ANOS1: variants seen among roughly 807,000 people sequenced by gnomAD.
ANOS1 encodes anosmin-1.
ANOS1 carries 6 observed loss-of-function variants against 59.0 expected under a neutral mutation model. That is an observed-to-expected ratio of 0.10 (90% CI 0.06 to 0.20). ANOS1 has a LOEUF of 0.20. Ranked by LOEUF, ANOS1 falls within the 10% of genes least tolerant of loss-of-function variation. ANOS1 has a pLI of 1.00. For missense variants in ANOS1, 433 were observed against 542.3 expected, an observed-to-expected ratio of 0.80 and a Z score of 2.00; for synonymous variants, 217 against 223.4, an observed-to-expected ratio of 0.97 and a Z score of 0.25.
chrX:8,540,958 A>T (rs1929674106), intron 9 of ANOS1, among the ~76,000 whole-genome samples: 1 of 100,868 alleles, frequency 9.9e-6, no homozygotes, highest in Non-Finnish European at 2.0e-5. Flanking sequence ...GAGTGTGTTC[A>T]TGTTCTTCCA....
At chrX:8,608,163 A>T (rs1160724823) in intron 3 of ANOS1, among the ~76,000 whole-genome samples, 6 of 111,959 alleles carry the variant, frequency 5.4e-5, no homozygotes, top group Non-Finnish European at 1.1e-4. Context: ...AGGAAGATAA[A>T]ATATTACCCT....
At chrX:8,606,457 A>G (rs775894958) in intron 3 of ANOS1, among the ~76,000 whole-genome samples, 2 of 112,667 alleles carry the variant, frequency 1.8e-5, no homozygotes, top group African/African-American at 3.2e-5. Flanking sequence ...TGAACTTAAT[A>G]TTAGAACATC....
chrX:8,687,593 AAC>A (rs58384646), intron 2 of ANOS1, among the ~76,000 whole-genome samples: 4,090 of 95,415 alleles, frequency 0.043, 174 homozygotes, highest in African/African-American at 0.13. Flanking sequence ...TAATCCAGTA[AAC>A]ACACACACAC....
intron 1 of ANOS1, among the ~76,000 whole-genome samples, chrX:8,723,385 T>A (rs1169369354): frequency 9.0e-6 from 1 of 111,452 alleles, no homozygotes; most frequent in Non-Finnish European, 1.9e-5. Context: ...AGCAATCCCA[T>A]CAAAAAGTAG....
chrX:8,716,658 C>T (rs1194286106), intron 1 of ANOS1, among the ~76,000 whole-genome samples: 3 of 111,889 alleles, frequency 2.7e-5, no homozygotes, highest in Non-Finnish European at 5.6e-5. Context: ...TGACACCTGA[C>T]ACCTCATTTG....
At chrX:8,567,965 G>A (rs1930148217) in intron 8 of ANOS1, among the ~76,000 whole-genome samples, 1 of 112,422 alleles carries the variant, frequency 8.9e-6, no homozygotes, top group Non-Finnish European at 1.9e-5. Flanking sequence ...CAGTCAATCT[G>A]TTAAAATGAG....
chrX:8,653,220 G>C (rs1251980651), intron 2 of ANOS1, among the ~76,000 whole-genome samples: 1 of 111,149 alleles, frequency 9.0e-6, no homozygotes, highest in Non-Finnish European at 1.9e-5. Context: ...CTCACACTAA[G>C]ATCTGTTTCT....
rs1002063279 is a variant in ANOS1 at position 8,610,623 on chromosome X, A to G, written c.318+12985T>C. Among the ~76,000 whole-genome samples the G allele has an allele frequency of 3.6e-5, 4 of 111,391 alleles. No homozygotes were observed. In the Admixed American group the frequency reaches 3.8e-4, roughly 11 times the overall value. On this transcript the variant is annotated intron_variant, in intron 3 of 13. Transcript: ENST00000262648. ...ACTGCATAAGTCTGGGGAAAGAATA[A>G]TCAGACAGCAATAAAGGAAACCATT... is the stretch of plus-strand genomic sequence containing the variant.
At chrX:8,700,914 C>T (rs1932751594) in intron 1 of ANOS1, among the ~76,000 whole-genome samples, 2 of 111,581 alleles carry the variant, frequency 1.8e-5, no homozygotes, top group Non-Finnish European at 3.8e-5. Context: ...GAGGCTAAGG[C>T]AGGAGAATTG....
intron 8 of ANOS1, among the ~76,000 whole-genome samples, chrX:8,562,007 C>T (rs1174524873): frequency 9.0e-6 from 1 of 110,679 alleles, no homozygotes; most frequent in Non-Finnish European, 1.9e-5. Context: ...CTGGCATGAT[C>T]TCGGCTCACT....
intron 3 of ANOS1, among the ~76,000 whole-genome samples, chrX:8,598,675 T>A (rs1601971987): frequency 1.8e-5 from 2 of 112,087 alleles, no homozygotes; most frequent in Non-Finnish European, 3.8e-5. Flanking sequence ...CCAAGCCTCC[T>A]TTTATCCTTA....
chrX:8,612,637 C>G (rs1193423569), intron 3 of ANOS1, among the ~76,000 whole-genome samples: 4 of 105,690 alleles, frequency 3.8e-5, no homozygotes, highest in Non-Finnish European at 7.7e-5. Flanking sequence ...ACATAACTTA[C>G]CAATGTCAGT....
In ANOS1 at chrX:8,596,337, C is replaced by T. The variant is rs1216441459; in HGVS notation, c.541+697G>A. 6.3e-5 allele frequency among the ~76,000 whole-genome samples: 7 copies of T among 111,013 alleles called. No individual in the cohort carries two copies. The East Asian group carries it at 1.1e-3, about 18-fold the overall frequency. ...AAAATTAACAAAATGTTATATGTCACGGTGTATTTTGATGGTATCCCAAAC... is the reference window on the plus strand; with the variant it reads ...AAAATTAACAAAATGTTATATGTCATGGTGTATTTTGATGGTATCCCAAAC... On this transcript the variant is annotated intron_variant, in intron 4 of 13. Coordinates refer to ENST00000262648, the MANE Select transcript of ANOS1 (RefSeq NM_000216.4).
At chrX:8,716,619 C>G (rs1156795739) in intron 1 of ANOS1, among the ~76,000 whole-genome samples, 1 of 112,025 alleles carries the variant, frequency 8.9e-6, no homozygotes, top group Non-Finnish European at 1.9e-5. Context: ...TGTAACCCCT[C>G]CTCTTGTGGC....
intron 1 of ANOS1, among the ~76,000 whole-genome samples, chrX:8,715,645 G>A (rs1417542615): frequency 1.8e-5 from 2 of 110,736 alleles, no homozygotes; most frequent in Non-Finnish European, 3.8e-5. Context: ...GATTGAACTA[G>A]ATACTTCAAA....
At chrX:8,687,425 AAAATAAAT>A (rs772372495) in intron 2 of ANOS1, among the ~76,000 whole-genome samples, 4 of 109,860 alleles carry the variant, frequency 3.6e-5, no homozygotes, top group Admixed American at 9.8e-5. Context: ...ACATTTGTCT[AAAATAAAT>A]AAATAAATAA....
Position 8,732,028 on chromosome X carries a change from G to A in ANOS1, c.9C>T (p.Pro3=). 1.0e-6 allele frequency: 1 copy of A among 992,938 alleles called. No homozygotes were observed. The highest frequency in any genetic ancestry group is 1.3e-6 in the Non-Finnish European group (1 of 788,362). 81.8% of individuals were successfully genotyped at this position (992,938 alleles called of 1,213,427 possible). The change falls in exon 1 of 14, where the codon CCC becomes CCT. Residue 3 remains proline, a synonymous_variant. Coordinates refer to ENST00000262648, the MANE Select transcript of ANOS1 (RefSeq NM_000216.4). MV[P]GVPGAVLTLC... ...GGGTCAGGACCGCGCCGGGCACCCCGGGCACCATGGCTGCGGGTCGAGGGC... is the reference window on the plus strand; with the variant it reads ...GGGTCAGGACCGCGCCGGGCACCCCAGGCACCATGGCTGCGGGTCGAGGGC...
At chrX:8,569,621 G>C (rs1165185804) in intron 7 of ANOS1, among the ~76,000 whole-genome samples, 1 of 111,928 alleles carries the variant, frequency 8.9e-6, no homozygotes, top group African/African-American at 3.3e-5. Context: ...CAGTCTGAGA[G>C]ACAGAGCGAG....
At chrX:8,637,796 T>G (rs16985078) in intron 2 of ANOS1, among the ~76,000 whole-genome samples, 13,126 of 111,997 alleles carry the variant, frequency 0.12, 1,032 homozygotes, top group African/African-American at 0.26. Flanking sequence ...CAGATGATCA[T>G]GCCACTGAAA....
Sources: allele counts gnomAD v4.1 joint callset (sites outside exome capture counted in the v4.1 genomes callset), GRCh38; gene constraint gnomAD v4.1.1; transcripts MANE v1.5; gene names NCBI Gene and HGNC (gene_info 2026-07-23, HGNC 2026-07-21).